CCDC171: variants seen among roughly 807,000 people sequenced by gnomAD.
CCDC171 encodes the protein coiled-coil domain-containing protein 171.
CCDC171 carries 177 observed loss-of-function variants against 168.2 expected under a neutral mutation model. The observed-to-expected ratio is 1.05, with a 90% CI of 0.93 to 1.19. CCDC171 has a LOEUF of 1.19. Ranked by LOEUF, CCDC171 falls within the 50% of genes most tolerant of loss-of-function variation. The pLI, the probability that CCDC171 is intolerant of heterozygous loss-of-function variation, is 0.00. For synonymous variants in CCDC171, 687 were observed against 540.8 expected, an observed-to-expected ratio of 1.27 and a Z score of -3.75; for missense variants, 1,991 against 1,539.0, an observed-to-expected ratio of 1.29 and a Z score of -4.91.
At chr9:15,683,521 A>C (rs565615972) in intron 10 of CCDC171, among the ~76,000 whole-genome samples, 1 of 152,172 alleles carries the variant, frequency 6.6e-6, no homozygotes, top group African/African-American at 2.4e-5. Context: ...GTATTTATAC[A>C]TGGGCATTGT....
intron 7 of CCDC171, among the ~76,000 whole-genome samples, chr9:15,643,817 C>T (rs547416658): frequency 1.3e-5 from 2 of 152,298 alleles, no homozygotes; most frequent in South Asian, 4.1e-4. Flanking sequence ...TCAATGAAAT[C>T]ATACAGCATG....
intron 18 of CCDC171, among the ~76,000 whole-genome samples, 161 bp downstream of exon 18, chr9:15,745,792 A>T (rs955630567): frequency 3.3e-5 from 5 of 152,204 alleles, no homozygotes; most frequent in South Asian, 4.1e-4. Context: ...GTACTTAATG[A>T]TGTAAATTAA....
rs147450279 is a variant in CCDC171 at position 15,779,060 on chromosome 9, C to T, written c.2991C>T (p.Val997=). 1.4e-5 allele frequency: 22 copies of T among 1,604,806 alleles called. No individual in the cohort carries two copies. The African/African-American group carries it at 2.0e-4, about 15-fold the overall frequency. The stretch of plus-strand genomic sequence containing the variant: ...AGCGCCGCTCACTACGCTTAGAGGT[C>T]ACAGAATTCAAACGAAGTGTGAATG... ...EVERRSLRLE[V]TEFKRSVNEM... Residue 997 remains valine, a synonymous_variant, in exon 20 of 26, where the codon GTC becomes GTT. Transcript: ENST00000380701.
intron 11 of CCDC171, among the ~76,000 whole-genome samples, chr9:15,720,364 C>A (rs963619638): frequency 5.9e-5 from 9 of 152,036 alleles, no homozygotes; most frequent in Non-Finnish European, 2.9e-5. Context: ...TACTATCTTT[C>A]TCTTATTAAA....
chr9:15,720,767 G>A (rs773540343), intron 11 of CCDC171, among the ~76,000 whole-genome samples: 7 of 152,122 alleles, frequency 4.6e-5, no homozygotes, highest in Non-Finnish European at 1.0e-4. Context: ...GTATGCATGT[G>A]CCATGTTGGT....
chr9:16,081,867 C>A, the CCDC171 span, among the ~76,000 whole-genome samples: 1 of 150,518 alleles, frequency 6.6e-6, no homozygotes, highest in South Asian at 2.1e-4. Context: ...AAAAAAAAAA[C>A]CCAGGACAGA....
chr9:15,885,842 G>A (rs1241154829), intron 24 of CCDC171: 1 of 152,098 alleles, frequency 6.6e-6, no homozygotes, highest in African/African-American at 2.4e-5. Flanking sequence ...TCAGTCTAAA[G>A]CTAAGTACAA....
chr9:15,787,477 C>G (rs1031687949), intron 21 of CCDC171, among the ~76,000 whole-genome samples: 10 of 152,104 alleles, frequency 6.6e-5, no homozygotes, highest in African/African-American at 2.4e-4. Flanking sequence ...CCTCCTCCTA[C>G]TCCTCCACCT....
intron 25 of CCDC171, among the ~76,000 whole-genome samples, chr9:15,934,045 C>G (rs1272423774): frequency 6.6e-6 from 1 of 151,838 alleles, no homozygotes; most frequent in African/African-American, 2.4e-5. Flanking sequence ...GATATCCATA[C>G]TATGCAAAGA....
chr9:16,057,882 T>C (rs1344913861), intron 1 of CCDC171, among the ~76,000 whole-genome samples: 2 of 152,154 alleles, frequency 1.3e-5, no homozygotes, highest in Non-Finnish European at 2.9e-5. Flanking sequence ...CCTCCCTCTA[T>C]GCCCTTGTCT....
intron 21 of CCDC171, among the ~76,000 whole-genome samples, chr9:15,787,465 T>C (rs2135531709): frequency 6.6e-6 from 1 of 152,286 alleles, no homozygotes; most frequent in East Asian, 1.9e-4. Flanking sequence ...TCCCAGCTTC[T>C]TCCTCCTCCT....
rs750023073 is a variant in CCDC171 at position 15,657,177 on chromosome 9, A to G, written c.873A>G (p.Arg291=). The change falls in exon 8 of 26, where the codon AGA becomes AGG. Residue 291 remains arginine (R), a synonymous_variant. Transcript: ENST00000380701. ...RKLEENIEAE[R]AAHLESKFNS... Reference sequence around the variant, plus strand: ...TAGAAGAAAACATTGAAGCAGAAAGAGCAGCGCATTTGGAATCAAAATTTA... The same window carrying G: ...TAGAAGAAAACATTGAAGCAGAAAGGGCAGCGCATTTGGAATCAAAATTTA... 18 of 1,611,918 alleles carry G rather than the reference A, an allele frequency of 1.1e-5. No homozygotes were observed. The African/African-American group carries it at 1.9e-4, about 17-fold the overall frequency.
rs181764601 is a variant in CCDC171, at chr9:15,983,951, A to G, written n.369-36638A>G. ...TAAAACAGAAACTCTACTAAAAACCATCTTCCCACCAGAACCATTGAGGCA... is the reference window on the plus strand; with the variant it reads ...TAAAACAGAAACTCTACTAAAAACCGTCTTCCCACCAGAACCATTGAGGCA... On this transcript the variant is annotated intron_variant and non_coding_transcript_variant, in intron 3 of 9. Transcript: ENST00000486641. Among the ~76,000 whole-genome samples, 183 of 152,064 alleles carry G rather than the reference A, an allele frequency of 1.2e-3. 1 individual carries two copies. The highest frequency in any genetic ancestry group is 3.5e-3 in the African/African-American group (147 of 41,474).
chr9:15,622,523 T>G (rs1463614095), intron 6 of CCDC171, among the ~76,000 whole-genome samples: 1 of 152,204 alleles, frequency 6.6e-6, no homozygotes, highest in Non-Finnish European at 1.5e-5. Flanking sequence ...AACATTACTG[T>G]GGTGAGGGAA....
chr9:15,804,967 C>T (rs534852510), intron 21 of CCDC171, among the ~76,000 whole-genome samples: 1 of 152,132 alleles, frequency 6.6e-6, no homozygotes, highest in African/African-American at 2.4e-5. Context: ...TCAATTTCTT[C>T]CTGTTTCAGT....
the CCDC171 span, among the ~76,000 whole-genome samples, chr9:16,068,023 G>C: frequency 3.3e-5 from 5 of 151,288 alleles, no homozygotes; most frequent in Admixed American, 6.6e-5. Flanking sequence ...AATTGTCCCT[G>C]TTTGCAGACG....
chr9:15,913,956 A>G (rs1289454033), intron 24 of CCDC171, among the ~76,000 whole-genome samples: 6 of 152,166 alleles, frequency 3.9e-5, no homozygotes, highest in African/African-American at 1.4e-4. Context: ...CTGTTTGCCT[A>G]GGTATCACCA....
At chr9:15,739,497 T>TA (rs1191750496) in intron 16 of CCDC171, among the ~76,000 whole-genome samples, 2 of 152,148 alleles carry the variant, frequency 1.3e-5, no homozygotes, top group Non-Finnish European at 2.9e-5. Flanking sequence ...GCAAATTGTG[T>TA]AACTTCTCTA....
At chr9:16,103,913 A>T in the CCDC171 span, among the ~76,000 whole-genome samples, 8 of 152,178 alleles carry the variant, frequency 5.3e-5, no homozygotes, top group African/African-American at 1.9e-4. Flanking sequence ...ACTCAATAAA[A>T]ACCAGCTTTC....
Sources: gnomAD v4.1 joint callset for allele counts (sites outside exome capture counted in the v4.1 genomes callset) on GRCh38, gnomAD v4.1.1 for gene constraint, MANE v1.5 for transcripts, NCBI Gene and HGNC (gene_info 2026-07-23, HGNC 2026-07-21) for gene names.